Variants in PCDHGA8 observed in about 807,000 individuals in gnomAD.
The protein encoded by PCDHGA8 is protocadherin gamma-A8.
Under a neutral mutation model 59.2 loss-of-function variants are expected in PCDHGA8, and 45 were observed. The observed-to-expected ratio is 0.76, with a 90% confidence interval of 0.60 to 0.98. The LOEUF is 0.98. Among genes scored for constraint, PCDHGA8 ranks in the 50% least tolerant of loss-of-function variants. PCDHGA8 has a pLI of 0.00. For synonymous variants in PCDHGA8, 531 were observed against 519.0 expected (o/e 1.02, Z -0.32); for missense variants, 1,257 against 1,196.2 (o/e 1.05, Z -0.75).
chr5:141,505,334 G>T, intron 2 of PCDHGA8, 59 bp from the exon 3 acceptor site: 1 of 1,611,326 alleles, frequency 6.2e-7, no homozygotes, highest in Non-Finnish European at 8.5e-7. Context: ...GAGAGGACAG[G>T]AGGGGCATGA....
chr5:141,511,728 A>C lies in PCDHGA8; in HGVS notation c.*555A>C, dbSNP rs904031366. 2.2e-5 allele frequency: 4 copies of C among 177,940 alleles called. No homozygotes were observed. The highest frequency in any genetic ancestry group is 7.0e-5 in the African/African-American group (3 of 42,626). 11.0% of individuals were successfully genotyped at this position (177,940 alleles called of 1,614,324 possible). ...TCACCTCCTTCCAGAGCCCAAGATC[A>C]ATGCTCAAGTTTTGGAGGACATGAT... On this transcript the variant is annotated 3_prime_UTR_variant, in exon 4 of 4. Coordinates refer to ENST00000398604, the MANE Select transcript of PCDHGA8 (RefSeq NM_032088.2).
rs781367282 is a variant in PCDHGA8 at position 141,485,525 on chromosome 5, C to G, written c.2425-9282C>G. On this transcript the variant is annotated intron_variant, in intron 1 of 3. Transcript: ENST00000398604. This position sits in a 1 kb window ranked among gnomAD's most constrained non-coding sequence, Gnocchi z 5.7. ...CACCGAAGGTCCTTTGGAAATGTAC[C>G]GAGCAGAGGTAGAGATCGTAGATGT... is the stretch of plus-strand genomic sequence containing the variant. 5 of 1,614,122 alleles carry G rather than the reference C, an allele frequency of 3.1e-6. No homozygotes were observed. The highest frequency in any genetic ancestry group is 2.5e-6 in the Non-Finnish European group (3 of 1,180,022).
Position 141,498,971 on chromosome 5 carries a change from GGGAAGGAAGGAAGGAAGGAAGGAA to G in PCDHGA8, c.2483+4140_2483+4163del, listed in dbSNP as rs201769957. 5.1e-3 allele frequency among the ~76,000 whole-genome samples: 569 copies of G among 111,048 alleles called. 6 individuals carry two copies. Among genetic ancestry groups the G allele is most frequent in the South Asian group, 0.024 (65 of 2,658 alleles). 72.9% of individuals were successfully genotyped at this position (111,048 alleles called of 152,430 possible). A position where few individuals can be genotyped will look rare whatever the true frequency, so the allele number is the denominator to read the frequency against. On this transcript the variant is annotated intron_variant, in intron 2 of 3. Coordinates refer to ENST00000398604, the MANE Select transcript of PCDHGA8 (RefSeq NM_032088.2). ...AAAAAGAGAGAGAGGGAGGGAGGGA[GGGAAGGAAGGAAGGAAGGAAGGAA>G]GGAAGGAAGGAAGGAAGGAAGGAAG...
At chr5:141,460,459 T>A (rs2098989808) in intron 1 of PCDHGA8, among the ~76,000 whole-genome samples, 1 of 152,176 alleles carries the variant, frequency 6.6e-6, no homozygotes, top group South Asian at 2.1e-4. Flanking sequence ...ATTCATATTT[T>A]TTTCCAAAGG....
rs1554116873 is a variant in PCDHGA8 at position 141,423,758 on chromosome 5, G to GT, written c.2424+28521_2424+28522insT. On this transcript the variant is annotated intron_variant, in intron 1 of 3. Coordinates refer to ENST00000398604, the MANE Select transcript of PCDHGA8 (RefSeq NM_032088.2). Reference sequence around the variant, plus strand: ...CTGTTATGAAAACTGTTTGGGGGGGGGGTGGGGCGGCATATATTTAGTTCA... The same window carrying GT: ...CTGTTATGAAAACTGTTTGGGGGGGGTGGTGGGGCGGCATATATTTAGTTCA... 14 of 366,842 alleles carry GT rather than the reference G, an allele frequency of 3.8e-5. 1 individual carries two copies. The highest frequency in any genetic ancestry group is 5.4e-5 in the Non-Finnish European group (14 of 259,742). The allele number at this position is 366,842 out of a possible 1,614,324, so 22.7% of individuals were successfully genotyped here. A position where few individuals can be genotyped will look rare whatever the true frequency, so the allele number is the denominator to read the frequency against.
chr5:141,457,899 C>CA (rs2098931976), intron 1 of PCDHGA8, among the ~76,000 whole-genome samples: 1 of 148,818 alleles, frequency 6.7e-6, no homozygotes, highest in Admixed American at 6.7e-5. Context: ...ACTGTGTAGA[C>CA]AAGGTGTGAG....
At chr5:141,458,094 A>G (rs1036190372) in intron 1 of PCDHGA8, among the ~76,000 whole-genome samples, 3 of 152,260 alleles carry the variant, frequency 2.0e-5, no homozygotes, top group African/African-American at 7.2e-5. Context: ...AGTTAAGAGT[A>G]CTTACAGATA....
rs2099391466 is a variant in PCDHGA8, at chr5:141,476,424, C to T, written c.2425-18383C>T. ...GAGGAGCTGTGTGGGACACTGCCCT[C>T]TTGCACTGTAACTCTGGAGTTGGTA... is the stretch of plus-strand genomic sequence containing the variant. On this transcript the variant is annotated intron_variant, in intron 1 of 3. Coordinates refer to ENST00000398604, the MANE Select transcript of PCDHGA8 (RefSeq NM_032088.2). This position sits in a 1 kb window ranked among gnomAD's most constrained non-coding sequence, Gnocchi z 7.6. 1 of 1,613,978 alleles carries T rather than the reference C, an allele frequency of 6.2e-7. No individual in the cohort carries two copies. The highest frequency in any genetic ancestry group is 1.1e-5 in the South Asian group (1 of 91,076).
At chr5:141,460,650 T>C (rs1264813071) in intron 1 of PCDHGA8, among the ~76,000 whole-genome samples, 2 of 152,094 alleles carry the variant, frequency 1.3e-5, no homozygotes, top group East Asian at 3.9e-4. Flanking sequence ...TGTTTACACA[T>C]ATGTAACTGT....
At chr5:141,404,647 T>C (rs764645495) in intron 1 of PCDHGA8, 20 of 1,614,190 alleles carry the variant, frequency 1.2e-5, no homozygotes, top group Admixed American at 1.7e-5. Context: ...TCCTGTACCC[T>C]GCCCTCCCCA....
At chr5:141,436,910 TGTGA>T (rs1332506247) in intron 1 of PCDHGA8, among the ~76,000 whole-genome samples, 1 of 152,228 alleles carries the variant, frequency 6.6e-6, no homozygotes, top group Non-Finnish European at 1.5e-5. Flanking sequence ...GAGACAATTT[TGTGA>T]GTGTTACTTT....
In PCDHGA8 at chr5:141,476,760, CG is replaced by C. The variant is rs1325258321; in HGVS notation, c.2425-18045del. The C allele has an allele frequency of 6.2e-7, 1 of 1,613,706 alleles. No individual in the cohort carries two copies. Among genetic ancestry groups the C allele is most frequent in the African/African-American group, 1.3e-5 (1 of 74,930 alleles). On this transcript the variant is annotated intron_variant, in intron 1 of 3. Coordinates refer to ENST00000398604, the MANE Select transcript of PCDHGA8 (RefSeq NM_032088.2). This position sits in a 1 kb window ranked among gnomAD's most constrained non-coding sequence, Gnocchi z 7.6. ...GAGCCTAGTCTCCAGTTAGTGCTGA[CG>C]GCGTTGGACGGAGGGACCCCAGCTC...
At chr5:141,404,186 C>G in intron 1 of PCDHGA8, 1 of 1,613,086 alleles carries the variant, frequency 6.2e-7, no homozygotes, top group Non-Finnish European at 8.5e-7. Flanking sequence ...AATTCTTGAC[C>G]GAGAAAAAGC....
chr5:141,407,873 A>T (rs561323423), intron 1 of PCDHGA8: 1 of 354,686 alleles, frequency 2.8e-6, no homozygotes, highest in Non-Finnish European at 5.1e-6. Flanking sequence ...CGAAGAATAT[A>T]TACATTTCGG....
chr5:141,410,317 C>T lies in PCDHGA8; in HGVS notation c.2424+15080C>T, dbSNP rs527641698. ...CCTTAATCTCAGTGCTCTTCCTCCT[C>T]GCCGTGATTCTGGCCATTGCCTTGC... On this transcript the variant is annotated intron_variant, in intron 1 of 3. Coordinates refer to ENST00000398604, the MANE Select transcript of PCDHGA8 (RefSeq NM_032088.2). The T allele has an allele frequency of 2.7e-5, 43 of 1,614,010 alleles. No individual in the cohort carries two copies. In the East Asian group the frequency reaches 8.0e-4, roughly 30 times the overall value.
chr5:141,414,283 G>A, intron 1 of PCDHGA8: 1 of 1,613,520 alleles, frequency 6.2e-7, no homozygotes, highest in South Asian at 1.1e-5. Flanking sequence ...GGGAACAGTC[G>A]TAGCCCTTTT....
chr5:141,454,842 C>T lies in PCDHGA8; in HGVS notation c.2425-39965C>T, dbSNP rs543795114. 1.2e-4 allele frequency among the ~76,000 whole-genome samples: 12 copies of T among 101,680 alleles called. No homozygotes were observed. The East Asian group carries it at 3.9e-3, about 33-fold the overall frequency. 66.7% of individuals were successfully genotyped at this position (101,680 alleles called of 152,430 possible). ...TTTTTTTTTGAGACAGAGTCGCGCTCTGTCACCCAGGCTGGAGTGCAGTGG... is the reference window on the plus strand; with the variant it reads ...TTTTTTTTTGAGACAGAGTCGCGCTTTGTCACCCAGGCTGGAGTGCAGTGG... On this transcript the variant is annotated intron_variant, in intron 1 of 3. Coordinates refer to ENST00000398604, the MANE Select transcript of PCDHGA8 (RefSeq NM_032088.2).
At chr5:141,454,203 T>C (rs981646952) in intron 1 of PCDHGA8, among the ~76,000 whole-genome samples, 2 of 152,148 alleles carry the variant, frequency 1.3e-5, no homozygotes, top group African/African-American at 4.8e-5. Flanking sequence ...GGTGAATTTA[T>C]TGACATGAAT....
rs140056243 is a variant in PCDHGA8 at position 141,487,386 on chromosome 5, G to A, written c.2425-7421G>A. 21 of 1,614,046 alleles carry A rather than the reference G, an allele frequency of 1.3e-5. No individual in the cohort carries two copies. The highest frequency in any genetic ancestry group is 4.0e-5 in the African/African-American group (3 of 74,920). On this transcript the variant is annotated intron_variant, in intron 1 of 3. Coordinates refer to ENST00000398604, the MANE Select transcript of PCDHGA8 (RefSeq NM_032088.2). The surrounding 1 kb of genome is among the most constrained non-coding windows in gnomAD (Gnocchi z 5.0). Reference sequence around the variant, plus strand: ...ACCTGTGCCTGTCTCACCAGATCTCGAAGGAGGGAGGGGCTTCCCCCTTCC... The same window carrying A: ...ACCTGTGCCTGTCTCACCAGATCTCAAAGGAGGGAGGGGCTTCCCCCTTCC...
Sources: gnomAD v4.1 joint callset for allele counts (sites outside exome capture counted in the v4.1 genomes callset) on GRCh38, gnomAD v4.1.1 for gene constraint, Gnocchi (gnomAD v3.1) non-coding constraint, MANE v1.5 for transcripts, NCBI Gene and HGNC (gene_info 2026-07-23, HGNC 2026-07-21) for gene names.